Variants in ADGRV1 observed in about 807,000 individuals in gnomAD.
The protein encoded by ADGRV1 is adhesion G protein-coupled receptor V1, also known as G-protein coupled receptor 98.
Under a neutral mutation model 596.2 loss-of-function variants are expected in ADGRV1, and 359 were observed. The observed-to-expected ratio is 0.60, with a 90% CI of 0.55 to 0.66. The LOEUF (loss-of-function observed/expected upper bound fraction) is 0.66. Among genes scored for constraint, ADGRV1 ranks in the 30% least tolerant of loss-of-function variants. The probability of loss-of-function intolerance (pLI) is 0.00; values close to 1 mark genes in which losing one functional copy is unlikely to be tolerated. For synonymous variants in ADGRV1, 2,681 were observed against 2,679.2 expected (o/e 1.00, Z -0.02); for missense variants, 7,274 against 7,575.6 (o/e 0.96, Z 1.48).
intron 25 of ADGRV1, 66 bp from the exon 26 acceptor site, chr5:90,679,483 C>A (rs980958354): frequency 2.3e-5 from 25 of 1,096,158 alleles, no homozygotes; most frequent in Non-Finnish European, 3.4e-5. Flanking sequence ...TGTTTTAAGA[C>A]CTCTCAATTT....
rs756761890 is a variant in ADGRV1 at position 90,853,234 on chromosome 5, T to G, written c.17205-50T>G. 10 of 1,528,426 alleles carry G rather than the reference T, an allele frequency of 6.5e-6. No individual in the cohort carries two copies. The South Asian group carries it at 1.1e-4, about 16-fold the overall frequency. 94.7% of individuals were successfully genotyped at this position (1,528,426 alleles called of 1,614,324 possible). On this transcript the variant is annotated intron_variant, in intron 79 of 89. Transcript: ENST00000405460. ...ACTTTAACAAATATAAGTGGATATATGTATTCAAATACATGCCATTTTTAC... is the reference window on the plus strand; with the variant it reads ...ACTTTAACAAATATAAGTGGATATAGGTATTCAAATACATGCCATTTTTAC...
chr5:91,053,897 G>A lies in ADGRV1; in HGVS notation c.18153-18550G>A, dbSNP rs115362537. On this transcript the variant is annotated intron_variant, in intron 85 of 89. Transcript: ENST00000405460. ...GAGCATAGCAAATAGCATGCACATA[G>A]TTACTGCTTAATAAATGCATATACA... Among the ~76,000 whole-genome samples the A allele has an allele frequency of 7.6e-3, 1,161 of 152,254 alleles. 10 individuals carry two copies. The highest frequency in any genetic ancestry group is 0.025 in the African/African-American group (1,038 of 41,528).
At chr5:91,057,051 T>C (rs1031453461) in intron 85 of ADGRV1, among the ~76,000 whole-genome samples, 83 of 152,344 alleles carry the variant, frequency 5.4e-4, no homozygotes, top group African/African-American at 1.9e-3. Flanking sequence ...ATTCCAACAA[T>C]GGAAATTCCT....
chr5:91,056,523 AT>A (rs1191846927), intron 85 of ADGRV1, among the ~76,000 whole-genome samples: 1 of 151,826 alleles, frequency 6.6e-6, no homozygotes, highest in Non-Finnish European at 1.5e-5. Context: ...TTTTTTTTGA[AT>A]TTTCTTTCAG....
At chr5:90,947,306 G>A (rs368797725) in intron 83 of ADGRV1, among the ~76,000 whole-genome samples, 23 of 145,484 alleles carry the variant, frequency 1.6e-4, no homozygotes, top group African/African-American at 3.1e-4. Context: ...GTGTCTGTTC[G>A]TGTCCTTTGC....
At chr5:90,900,385 T>C (rs1308686307) in intron 83 of ADGRV1, among the ~76,000 whole-genome samples, 2 of 151,696 alleles carry the variant, frequency 1.3e-5, no homozygotes, top group Non-Finnish European at 2.9e-5. Context: ...ACCATGAATA[T>C]AGGTTTGTAT....
chr5:90,733,443 C>G (rs1752809476), intron 50 of ADGRV1, among the ~76,000 whole-genome samples: 1 of 152,114 alleles, frequency 6.6e-6, no homozygotes, highest in Non-Finnish European at 1.5e-5. Context: ...TAGTCGAACT[C>G]ATAAATGTTA....
At chr5:90,660,627 T>C (rs925069419) in intron 21 of ADGRV1, among the ~76,000 whole-genome samples, 19 of 152,144 alleles carry the variant, frequency 1.2e-4, no homozygotes, top group African/African-American at 4.6e-4. Context: ...TCCAGCACTT[T>C]GGGAAGCTGA....
intron 1 of ADGRV1, among the ~76,000 whole-genome samples, chr5:90,579,264 C>T (rs373452075): frequency 6.6e-6 from 1 of 152,298 alleles, no homozygotes; most frequent in East Asian, 1.9e-4. Flanking sequence ...TTTCCCTCTA[C>T]ACACTGCTTT....
rs747114129 is a variant in ADGRV1 at position 90,745,607 on chromosome 5, T to C, written c.10786T>C (p.Phe3596Leu). Residue 3596 changes from phenylalanine (F) to leucine (L), a missense_variant, in exon 52 of 90, where the codon TTT (phenylalanine) becomes CTT (leucine). Coordinates refer to ENST00000405460, the MANE Select transcript of ADGRV1 (RefSeq NM_032119.4). ...DFIPSSGELI[F>L]EPGEREATIA... ...TTATGGTAGTTCAGGTGAACTGATATTTGAACCTGGTGAGAGAGAAGCTAC... is the reference window on the plus strand; with the variant it reads ...TTATGGTAGTTCAGGTGAACTGATACTTGAACCTGGTGAGAGAGAAGCTAC... The C allele has an allele frequency of 1.2e-6, 2 of 1,610,524 alleles. No homozygotes were observed. Among genetic ancestry groups the C allele is most frequent in the Non-Finnish European group, 1.7e-6 (2 of 1,177,956 alleles).
intron 58 of ADGRV1, among the ~76,000 whole-genome samples, chr5:90,760,652 C>T (rs1226431406): frequency 6.6e-6 from 1 of 152,052 alleles, no homozygotes; most frequent in South Asian, 2.1e-4. Context: ...TAGAAAAAAA[C>T]ACCACAGTCA....
chr5:90,741,880 G>A lies in ADGRV1; in HGVS notation c.10550-3166G>A, dbSNP rs577834857. ...GAATGTGTCAAATATTTTATTAAAA[G>A]TATTAGATTGGAGCTATAACCATGA... is the stretch of plus-strand genomic sequence containing the variant. On this transcript the variant is annotated intron_variant, in intron 50 of 89. Coordinates refer to ENST00000405460, the MANE Select transcript of ADGRV1 (RefSeq NM_032119.4). Among the ~76,000 whole-genome samples, 21 of 152,296 alleles carry A rather than the reference G, an allele frequency of 1.4e-4. 1 individual carries two copies. The South Asian group carries it at 4.3e-3, about 32-fold the overall frequency.
intron 86 of ADGRV1, among the ~76,000 whole-genome samples, chr5:91,079,223 T>TG (rs1789120276): frequency 6.6e-6 from 1 of 152,312 alleles, no homozygotes; most frequent in South Asian, 2.1e-4. Flanking sequence ...AACAATGCCT[T>TG]GGGGCCTAAG....
At chr5:90,801,858 A>G (rs1761411170) in intron 70 of ADGRV1, among the ~76,000 whole-genome samples, 1 of 152,366 alleles carries the variant, frequency 6.6e-6, no homozygotes, top group African/African-American at 2.4e-5. Context: ...CATAACATCA[A>G]TACATAAATT....
At chr5:90,903,615 A>AT (rs1434722603) in intron 83 of ADGRV1, among the ~76,000 whole-genome samples, 3 of 151,818 alleles carry the variant, frequency 2.0e-5, no homozygotes, top group African/African-American at 4.8e-5. Flanking sequence ...TTCTTTTAAA[A>AT]TTTTTTTTAT....
rs2366771 is a variant in ADGRV1 at position 90,629,159 on chromosome 5, C to A, written c.1510-51C>A. Reference sequence around the variant, plus strand: ...TAACATGGAAAATACAGAGTTTGATCATCTCAGATGCGAGAATTCTGTACT... The same window carrying A: ...TAACATGGAAAATACAGAGTTTGATAATCTCAGATGCGAGAATTCTGTACT... On this transcript the variant is annotated intron_variant, in intron 8 of 89. Transcript: ENST00000405460. The A allele has an allele frequency of 0.69, 666,712 of 963,172 alleles. 233,005 individuals carry two copies. The highest frequency in any genetic ancestry group is 0.82 in the East Asian group (30,403 of 36,880). The allele number at this position is 963,172 out of a possible 1,614,324, so 59.7% of individuals were successfully genotyped here.
chr5:90,652,638 A>G (rs1203903194), intron 19 of ADGRV1, 75 bp downstream of exon 19: 2 of 928,198 alleles, frequency 2.2e-6, no homozygotes, highest in East Asian at 2.7e-5. Context: ...TACTTAGATA[A>G]TTAGAGCCAT....
chr5:90,717,945 C>T (rs764208529), intron 43 of ADGRV1: 25 of 152,174 alleles, frequency 1.6e-4, no homozygotes, highest in Admixed American at 2.6e-4. Flanking sequence ...ACCACTGTGC[C>T]GGGCCTGTGA....
chr5:90,854,142 T>C lies in ADGRV1; in HGVS notation c.17535T>C (p.Ala5845=). 1 of 1,567,544 alleles carries C rather than the reference T, an allele frequency of 6.4e-7. No individual in the cohort carries two copies. The highest frequency in any genetic ancestry group is 2.3e-5 in the East Asian group (1 of 43,080). ...DNEVLYRIYA[A]EPRIIPQTSL... ...AGGTTCTCTACAGGATTTATGCTGCTGAGCCTAGAATTATTCCTCAGACAT... is the reference window on the plus strand; with the variant it reads ...AGGTTCTCTACAGGATTTATGCTGCCGAGCCTAGAATTATTCCTCAGACAT... The change falls in exon 81 of 90, where the codon GCT becomes GCC. Residue 5845 remains alanine, a synonymous_variant. Coordinates refer to ENST00000405460, the MANE Select transcript of ADGRV1 (RefSeq NM_032119.4).
Sources: allele counts gnomAD v4.1 joint callset (sites outside exome capture counted in the v4.1 genomes callset), GRCh38; gene constraint gnomAD v4.1.1; transcripts MANE v1.5; gene names NCBI Gene and HGNC (gene_info 2026-07-23, HGNC 2026-07-21).